The following CDK14 variants were observed in gnomAD, a reference collection of about 807,000 sequenced individuals.
CDK14 encodes cyclin-dependent kinase 14.
A neutral mutation model predicts 60.7 loss-of-function variants in CDK14; 34 were observed. The ratio of observed to expected loss-of-function variants is 0.56; its 90% CI spans 0.43 to 0.75. The LOEUF is 0.75. Among genes scored for constraint, CDK14 ranks in the 30% least tolerant of loss-of-function variants. CDK14 has a pLI of 0.00. For synonymous variants in CDK14, 197 were observed against 203.7 expected, an observed-to-expected ratio of 0.97 and a Z score of 0.28; for missense variants, 482 against 564.1, an observed-to-expected ratio of 0.85 and a Z score of 1.47.
At chr7:90,642,684 T>C (rs1401297190) in intron 2 of CDK14, among the ~76,000 whole-genome samples, 1 of 152,192 alleles carries the variant, frequency 6.6e-6, no homozygotes, top group Non-Finnish European at 1.5e-5. Flanking sequence ...CTAGCATGAA[T>C]TGGGATTGCT....
intron 2 of CDK14, among the ~76,000 whole-genome samples, chr7:90,678,201 C>T (rs187015544): frequency 1.3e-5 from 2 of 152,126 alleles, no homozygotes; most frequent in East Asian, 1.9e-4. Context: ...TCAAATGAAG[C>T]CACAGCGTTG....
chr7:90,886,398 C>T (rs1279901286), intron 6 of CDK14, among the ~76,000 whole-genome samples: 1 of 152,112 alleles, frequency 6.6e-6, no homozygotes, highest in East Asian at 1.9e-4. Flanking sequence ...ATAATTTTCT[C>T]AAGTGATTTT....
chr7:90,656,309 G>A (rs770522080), intron 2 of CDK14, among the ~76,000 whole-genome samples: 3 of 151,782 alleles, frequency 2.0e-5, no homozygotes, highest in Non-Finnish European at 4.4e-5. Flanking sequence ...AACTAAATAC[G>A]TCATGCATGG....
At chr7:90,714,869 T>C (rs1400317881) in intron 2 of CDK14, among the ~76,000 whole-genome samples, 2 of 152,116 alleles carry the variant, frequency 1.3e-5, no homozygotes, top group African/African-American at 4.8e-5. Context: ...ATGGCTATTG[T>C]AGATTTGGAG....
intron 6 of CDK14, among the ~76,000 whole-genome samples, chr7:90,875,318 C>T (rs898755452): frequency 3.3e-5 from 5 of 152,172 alleles, no homozygotes; most frequent in African/African-American, 1.2e-4. Flanking sequence ...CTGCTATGAA[C>T]ATTTGTGTAC....
At chr7:90,847,403 CA>C (rs1328131178) in intron 5 of CDK14, among the ~76,000 whole-genome samples, 1 of 152,010 alleles carries the variant, frequency 6.6e-6, no homozygotes, top group African/African-American at 2.4e-5. Context: ...TTATTAGCTA[CA>C]TTTATAATAT....
chr7:90,662,630 G>A (rs1800887384), intron 2 of CDK14, among the ~76,000 whole-genome samples: 1 of 152,214 alleles, frequency 6.6e-6, no homozygotes, highest in Admixed American at 6.5e-5. Context: ...AGAAATGCAA[G>A]GATGCTATGA....
At chr7:90,699,077 G>C (rs1197450276) in intron 2 of CDK14, among the ~76,000 whole-genome samples, 1 of 152,234 alleles carries the variant, frequency 6.6e-6, no homozygotes, top group East Asian at 1.9e-4. Flanking sequence ...TGTTTAAAAA[G>C]TGTTTGATTT....
intron 9 of CDK14, among the ~76,000 whole-genome samples, chr7:90,979,957 C>A (rs1200421858): frequency 2.6e-5 from 3 of 113,598 alleles, no homozygotes; most frequent in African/African-American, 9.3e-5. Flanking sequence ...ACTTCTATAG[C>A]CATTTTTTTA....
At chr7:91,128,058 T>TGCCACAGCTGC (rs1233836715) in intron 14 of CDK14, among the ~76,000 whole-genome samples, 1 of 152,156 alleles carries the variant, frequency 6.6e-6, no homozygotes, top group Non-Finnish European at 1.5e-5. Context: ...AAGTCACAAA[T>TGCCACAGCTGC]GCCACAGCTG....
chr7:90,832,846 AG>A (rs1324525535), intron 5 of CDK14, among the ~76,000 whole-genome samples: 2 of 152,236 alleles, frequency 1.3e-5, no homozygotes, highest in Non-Finnish European at 2.9e-5. Flanking sequence ...GAAGTCACTC[AG>A]TGTAGTGGGT....
chr7:91,175,941 G>A (rs1394603855), intron 14 of CDK14, among the ~76,000 whole-genome samples: 1 of 151,428 alleles, frequency 6.6e-6, no homozygotes, highest in Non-Finnish European at 1.5e-5. Context: ...ATTGAACTCA[G>A]CTCTGCACCA....
In CDK14 at chr7:91,133,055, A is replaced by G. The variant is rs143075429; in HGVS notation, c.*28+14847A>G. On this transcript the variant is annotated intron_variant, in intron 14 of 14. Transcript: ENST00000380050. ...TATAATATTTCATATATTAAGATAC[A>G]TTGGTATCATTTGGGAGAAATGCAA... Among the ~76,000 whole-genome samples the G allele has an allele frequency of 1.1e-4, 16 of 152,256 alleles. No individual in the cohort carries two copies. The East Asian group carries it at 2.1e-3, about 20-fold the overall frequency.
intron 2 of CDK14, among the ~76,000 whole-genome samples, chr7:90,621,691 T>TCCTGCCTTCCTGCCTTCCTGCCTTCCTG (rs1344626016): frequency 6.6e-6 from 1 of 151,416 alleles, no homozygotes; most frequent in Admixed American, 6.6e-5. Flanking sequence ...CTTCCTGCCT[T>TCCTGCCTTCCTGCCTTCCTGCCTTCCTG]CCTTCCTTCC....
intron 8 of CDK14, among the ~76,000 whole-genome samples, chr7:90,920,370 T>C (rs1318845607): frequency 6.6e-6 from 1 of 152,258 alleles, no homozygotes; most frequent in Non-Finnish European, 1.5e-5. Context: ...TAAATGATAC[T>C]ACTTTTATTA....
intron 1 of CDK14, among the ~76,000 whole-genome samples, chr7:90,598,707 T>TG (rs1184020476): frequency 7.0e-5 from 7 of 100,104 alleles, no homozygotes; most frequent in Admixed American, 1.9e-4. Flanking sequence ...TCTAAGGATT[T>TG]TTTTTTTTTT....
At chr7:90,766,740 C>T (rs1804579570) in intron 4 of CDK14, among the ~76,000 whole-genome samples, 1 of 152,150 alleles carries the variant, frequency 6.6e-6, no homozygotes, top group African/African-American at 2.4e-5. Context: ...GGTAGATGGG[C>T]AGATAGCTGA....
chr7:90,655,857 C>G (rs1584773099), intron 2 of CDK14, among the ~76,000 whole-genome samples: 1 of 152,274 alleles, frequency 6.6e-6, no homozygotes, highest in Middle Eastern at 3.4e-3. Context: ...TGCTGAAACA[C>G]CCTTCATTTC....
At chr7:90,756,624 C>T (rs1201442155) in intron 4 of CDK14, among the ~76,000 whole-genome samples, 2 of 152,098 alleles carry the variant, frequency 1.3e-5, no homozygotes, top group African/African-American at 4.8e-5. Flanking sequence ...TTTAAGGTGG[C>T]TAAGTCAGGC....
Sources: gnomAD v4.1 joint callset for allele counts (sites outside exome capture counted in the v4.1 genomes callset) on GRCh38, gnomAD v4.1.1 for gene constraint, MANE v1.5 for transcripts, NCBI Gene and HGNC (gene_info 2026-07-23, HGNC 2026-07-21) for gene names.